Variants in EPC2 observed in about 807,000 individuals in gnomAD.
The protein encoded by EPC2 is enhancer of polycomb homolog 2.
In EPC2, 14 loss-of-function variants were observed where a neutral mutation model predicts 92.1. The ratio of observed to expected loss-of-function variants is 0.15; its 90% CI spans 0.10 to 0.24. The LOEUF (loss-of-function observed/expected upper bound fraction) is 0.24, where lower values mean the gene tolerates loss of function less well. Among genes scored for constraint, EPC2 ranks in the 10% least tolerant of loss-of-function variants. The probability of loss-of-function intolerance (pLI) is 1.00; values close to 1 mark genes in which losing one functional copy is unlikely to be tolerated. For missense variants in EPC2, 755 were observed against 971.5 expected, an observed-to-expected ratio of 0.78 and a Z score of 2.96; for synonymous variants, 340 against 334.7, an observed-to-expected ratio of 1.02 and a Z score of -0.17.
intron 3 of EPC2, among the ~76,000 whole-genome samples, chr2:148,750,812 T>C (rs1158321611): frequency 6.6e-6 from 1 of 152,104 alleles, no homozygotes; most frequent in East Asian, 1.9e-4. Flanking sequence ...GAAGCCTGCC[T>C]TTGGTAGTAT....
intron 1 of EPC2, among the ~76,000 whole-genome samples, chr2:148,652,198 C>T (rs2105350088): frequency 6.6e-6 from 1 of 152,246 alleles, no homozygotes; most frequent in African/African-American, 2.4e-5. Flanking sequence ...GTTACCCTCT[C>T]AGCTGGAGAG....
Position 148,743,781 on chromosome 2 carries a change from T to G in EPC2, c.459+14T>G, listed in dbSNP as rs1574617853. The G allele has an allele frequency of 6.6e-6, 10 of 1,511,496 alleles. No individual in the cohort carries two copies. Among genetic ancestry groups the G allele is most frequent in the Non-Finnish European group, 8.8e-6 (10 of 1,135,050 alleles). 93.6% of individuals were successfully genotyped at this position (1,511,496 alleles called of 1,614,324 possible). ...AGTTCTAATCAGGTACTGTACCATG[T>G]AAAGATGTCTCTTATCTTCTAGTTA... On this transcript the variant is annotated intron_variant, in intron 3 of 13. Transcript: ENST00000258484.
At chr2:148,726,766 T>G (rs1206847878) in intron 2 of EPC2, among the ~76,000 whole-genome samples, 10 of 47,404 alleles carry the variant, frequency 2.1e-4, no homozygotes, top group South Asian at 5.0e-4. Context: ...TTGTTTTTTG[T>G]TTTTTTTTTT....
Position 148,753,920 on chromosome 2 carries a change from C to T in EPC2, c.460-7C>T. On this transcript the variant is annotated splice_polypyrimidine_tract_variant and splice_region_variant and intron_variant, in intron 3 of 13. Coordinates refer to ENST00000258484, the MANE Select transcript of EPC2 (RefSeq NM_015630.4). Reference sequence around the variant, plus strand: ...GTAGCCAATGACATTTTGTATTTTTCATTTAGCTTGTAACACTTCAAGAAG... The same window carrying T: ...GTAGCCAATGACATTTTGTATTTTTTATTTAGCTTGTAACACTTCAAGAAG... The T allele has an allele frequency of 6.3e-7, 1 of 1,599,958 alleles. No homozygotes were observed. The highest frequency in any genetic ancestry group is 8.5e-7 in the Non-Finnish European group (1 of 1,173,272).
chr2:148,764,714 G>T (rs941575099), intron 6 of EPC2, among the ~76,000 whole-genome samples: 1 of 152,016 alleles, frequency 6.6e-6, no homozygotes, highest in Non-Finnish European at 1.5e-5. Flanking sequence ...CACTCACATA[G>T]TTTAAAGTAG....
chr2:148,655,186 G>A (rs1680765744), intron 1 of EPC2, among the ~76,000 whole-genome samples: 1 of 152,132 alleles, frequency 6.6e-6, no homozygotes, highest in Non-Finnish European at 1.5e-5. Context: ...TCTATCTTCT[G>A]CCCATTAATT....
intron 2 of EPC2, among the ~76,000 whole-genome samples, chr2:148,726,753 G>GTTTTGTTTTTTGTTTTTTTTTTTT (rs1682503677): frequency 1.1e-5 from 1 of 87,924 alleles, no homozygotes; most frequent in Non-Finnish European, 2.6e-5. Context: ...TTTTTTTTTT[G>GTTTTGTTTTTTGTTTTTTTTTTTT]TTTTGTTTTT....
intron 1 of EPC2, 57 bp from the exon 2 acceptor site, chr2:148,690,157 T>C: frequency 6.9e-7 from 1 of 1,458,086 alleles, no homozygotes; most frequent in South Asian, 1.4e-5. Flanking sequence ...TTATATAAAA[T>C]TATGCATTGA....
intron 1 of EPC2, among the ~76,000 whole-genome samples, chr2:148,677,552 T>C (rs1356146378): frequency 1.3e-5 from 2 of 152,086 alleles, no homozygotes; most frequent in African/African-American, 4.8e-5. Context: ...GGTACGCACT[T>C]GTATTCCCAG....
At chr2:148,648,128 A>C (rs1683841877) in intron 1 of EPC2, among the ~76,000 whole-genome samples, 1 of 152,234 alleles carries the variant, frequency 6.6e-6, no homozygotes, top group Admixed American at 6.5e-5. Context: ...TCTTTAATAC[A>C]TGCTAAAAGT....
chr2:148,734,956 G>C (rs778055047), intron 2 of EPC2, among the ~76,000 whole-genome samples: 1 of 150,828 alleles, frequency 6.6e-6, no homozygotes, highest in African/African-American at 2.4e-5. Flanking sequence ...TCTAATTTTT[G>C]GCTATTATGA....
chr2:148,719,512 C>T (rs184757425), intron 2 of EPC2, among the ~76,000 whole-genome samples: 3 of 152,276 alleles, frequency 2.0e-5, no homozygotes, highest in East Asian at 1.9e-4. Flanking sequence ...GCTGGAGGTC[C>T]GCTCCAAACC....
At chr2:148,747,138 C>T (rs2105410674) in intron 3 of EPC2, among the ~76,000 whole-genome samples, 3 of 151,996 alleles carry the variant, frequency 2.0e-5, no homozygotes, top group African/African-American at 7.2e-5. Flanking sequence ...CTATTGAACA[C>T]CCGATTTTTA....
intron 1 of EPC2, among the ~76,000 whole-genome samples, chr2:148,687,684 A>ATCCC (rs1681555136): frequency 6.6e-6 from 1 of 152,162 alleles, no homozygotes; most frequent in African/African-American, 2.4e-5. Context: ...GATCTGACAA[A>ATCCC]ACGATGCTGC....
intron 1 of EPC2, among the ~76,000 whole-genome samples, chr2:148,647,437 A>G (rs2105347597): frequency 6.6e-6 from 1 of 151,410 alleles, no homozygotes; most frequent in Admixed American, 6.6e-5. Flanking sequence ...CCTCCCGAGC[A>G]GCTGAGATTA....
At chr2:148,756,007 A>C (rs2105418273) in intron 4 of EPC2, among the ~76,000 whole-genome samples, 1 of 152,354 alleles carries the variant, frequency 6.6e-6, no homozygotes, top group African/African-American at 2.4e-5. Context: ...TCCTTTAGTG[A>C]ATGGGTATGG....
At chr2:148,739,727 C>T (rs534978129) in intron 2 of EPC2, among the ~76,000 whole-genome samples, 1 of 151,994 alleles carries the variant, frequency 6.6e-6, no homozygotes, top group South Asian at 2.1e-4. Context: ...CAAGGAACTT[C>T]TCATCTACTT....
intron 6 of EPC2, 31 bp from the exon 7 acceptor site, chr2:148,764,923 TC>T (rs781394195): frequency 1.4e-6 from 2 of 1,387,662 alleles, no homozygotes; most frequent in South Asian, 2.0e-5. Context: ...TTTTATTTCT[TC>T]CTTTTGGGGG....
At chr2:148,694,581 G>A (rs1376506590) in intron 2 of EPC2, among the ~76,000 whole-genome samples, 1 of 151,898 alleles carries the variant, frequency 6.6e-6, no homozygotes, top group Non-Finnish European at 1.5e-5. Flanking sequence ...CATTCCTCTT[G>A]GAGTTCAATA....
Sources: gnomAD v4.1 joint callset for allele counts (sites outside exome capture counted in the v4.1 genomes callset) on GRCh38, gnomAD v4.1.1 for gene constraint, MANE v1.5 for transcripts, NCBI Gene and HGNC (gene_info 2026-07-23, HGNC 2026-07-21) for gene names.